The following TOGARAM2 variants were observed in gnomAD, a reference collection of about 807,000 sequenced individuals.
TOGARAM2 encodes the protein TOG array regulator of axonemal microtubules 2, also known as TOG array regulator of axonemal microtubules protein 2.
Under a neutral mutation model 93.3 loss-of-function variants are expected in TOGARAM2, and 85 were observed. The ratio of observed to expected loss-of-function variants is 0.91; its 90% CI spans 0.76 to 1.09. The LOEUF (loss-of-function observed/expected upper bound fraction) is 1.09, where lower values mean the gene tolerates loss of function less well. Ranked by LOEUF, TOGARAM2 falls within the 50% of genes least tolerant of loss-of-function variation. The probability of loss-of-function intolerance (pLI) is 0.00; values close to 1 mark genes in which losing one functional copy is unlikely to be tolerated. For synonymous variants in TOGARAM2, 593 were observed against 552.8 expected, an observed-to-expected ratio of 1.07 and a Z score of -1.02; for missense variants, 1,277 against 1,334.5, an observed-to-expected ratio of 0.96 and a Z score of 0.67.
At chr2:29,045,788 G>T in intron 19 of TOGARAM2, 1 of 276,612 alleles carries the variant, frequency 3.6e-6, no homozygotes, top group Non-Finnish European at 7.0e-6. Context: ...TGCAGAACTG[G>T]TATCATGAAA....
At chr2:28,993,137 G>A (rs1022425931) in intron 1 of TOGARAM2, among the ~76,000 whole-genome samples, 1 of 152,110 alleles carries the variant, frequency 6.6e-6, no homozygotes, top group African/African-American at 2.4e-5. Flanking sequence ...ATTCAGCAGG[G>A]GCTGGAGGTG....
At chr2:28,968,714 G>A (rs1452582944) in intron 1 of TOGARAM2, among the ~76,000 whole-genome samples, 1 of 150,702 alleles carries the variant, frequency 6.6e-6, no homozygotes, top group Non-Finnish European at 1.5e-5. Context: ...AGCTACTTAG[G>A]AGGCTGAGGT....
chr2:29,011,393 C>T, intron 6 of TOGARAM2, 62 bp from the exon 7 acceptor site: 1 of 1,552,856 alleles, frequency 6.4e-7, no homozygotes, highest in Non-Finnish European at 8.8e-7. Flanking sequence ...CCCTGGGCTC[C>T]CCCAGCAGTG....
At chr2:29,013,203 G>C (rs772281576) in intron 7 of TOGARAM2, among the ~76,000 whole-genome samples, 2 of 152,180 alleles carry the variant, frequency 1.3e-5, no homozygotes, top group Non-Finnish European at 2.9e-5. Context: ...TTTAAAATCC[G>C]CTGATGGGGA....
At chr2:29,010,881 G>C (rs1271124514) in intron 6 of TOGARAM2, among the ~76,000 whole-genome samples, 1 of 152,180 alleles carries the variant, frequency 6.6e-6, no homozygotes, top group East Asian at 1.9e-4. Flanking sequence ...GGATGCCACT[G>C]TCTTCCCCCT....
chr2:29,017,764 A>G (rs1572716130), intron 9 of TOGARAM2, 28 bp from the exon 10 acceptor site: 3 of 1,569,684 alleles, frequency 1.9e-6, no homozygotes, highest in Non-Finnish European at 2.6e-6. Context: ...AGACCTGCCT[A>G]GTCCTAGGAC....
chr2:29,019,331 C>T (rs971455059), intron 10 of TOGARAM2, among the ~76,000 whole-genome samples: 2 of 151,752 alleles, frequency 1.3e-5, no homozygotes, highest in African/African-American at 2.4e-5. Context: ...CACCATGGCC[C>T]GATTAATTTC....
At chr2:29,033,180 C>T in intron 15 of TOGARAM2, 129 bp downstream of exon 15, 1 of 753,318 alleles carries the variant, frequency 1.3e-6, no homozygotes, top group Non-Finnish European at 2.2e-6. Context: ...ATCCACTACT[C>T]CTGATAGGTG....
At chr2:29,017,680 G>C (rs2148335859) in intron 9 of TOGARAM2, 112 bp from the exon 10 acceptor site, 1 of 1,072,056 alleles carries the variant, frequency 9.3e-7, no homozygotes, top group East Asian at 2.9e-5. Context: ...CAACATGTTG[G>C]GGGTACTGGC....
intron 4 of TOGARAM2, 94 bp downstream of exon 4, chr2:28,999,562 G>A: frequency 7.2e-7 from 1 of 1,397,340 alleles, no homozygotes; most frequent in Non-Finnish European, 9.5e-7. Flanking sequence ...GCTTCCAGGT[G>A]GCATGCTGGG....
intron 6 of TOGARAM2, among the ~76,000 whole-genome samples, chr2:29,005,508 T>TGTGG (rs1673692446): frequency 3.6e-5 from 1 of 27,512 alleles, no homozygotes; most frequent in Non-Finnish European, 9.7e-5. Flanking sequence ...TGCATGTGTT[T>TGTGG]GTGTAACTAC....
At chr2:29,016,562 A>T (rs1364594407) in intron 8 of TOGARAM2, among the ~76,000 whole-genome samples, 1 of 152,218 alleles carries the variant, frequency 6.6e-6, no homozygotes, top group Non-Finnish European at 1.5e-5. Flanking sequence ...CAACACTTAG[A>T]GACAGCCCCC....
intron 1 of TOGARAM2, among the ~76,000 whole-genome samples, chr2:28,983,810 A>T (rs1052582596): frequency 1.3e-5 from 2 of 152,134 alleles, no homozygotes; most frequent in Admixed American, 6.5e-5. Flanking sequence ...CTGTGCTCTC[A>T]CTAGCACTTG....
rs529108441 is a variant in TOGARAM2 at position 28,969,279 on chromosome 2, T to G, written c.-147+12582T>G. 4.6e-5 allele frequency among the ~76,000 whole-genome samples: 7 copies of G among 152,178 alleles called. No individual in the cohort carries two copies. In the South Asian group the frequency reaches 8.3e-4, roughly 18 times the overall value. On this transcript the variant is annotated intron_variant, in intron 1 of 6. Transcript: ENST00000401723. Reference sequence around the variant, plus strand: ...TTCTGGTTTTAGCCACATTGAAATGTGAGATTATTAGGGTCTGAGAGGTCA... The same window carrying G: ...TTCTGGTTTTAGCCACATTGAAATGGGAGATTATTAGGGTCTGAGAGGTCA...
chr2:28,994,931 A>G, intron 2 of TOGARAM2, 69 bp downstream of exon 2: 3 of 1,531,172 alleles, frequency 2.0e-6, no homozygotes, highest in Non-Finnish European at 2.7e-6. Context: ...GGACACTCCC[A>G]AGGGCCAGAA....
intron 16 of TOGARAM2, among the ~76,000 whole-genome samples, chr2:29,033,956 G>A (rs955236955): frequency 7.2e-5 from 11 of 152,148 alleles, no homozygotes; most frequent in African/African-American, 2.7e-4. Context: ...TAAGGCAGAT[G>A]AGAAGACATG....
At chr2:29,008,960 G>C (rs2148315571) in intron 6 of TOGARAM2, among the ~76,000 whole-genome samples, 1 of 152,326 alleles carries the variant, frequency 6.6e-6, no homozygotes. Flanking sequence ...CTAGCCAATG[G>C]AGGGGATGGA....
chr2:29,009,702 C>A (rs1312266838), intron 6 of TOGARAM2, among the ~76,000 whole-genome samples: 1 of 152,106 alleles, frequency 6.6e-6, no homozygotes, highest in African/African-American at 2.4e-5. Flanking sequence ...AGTGCTGAGG[C>A]CACTCTTGGA....
chr2:28,975,449 AAGTGCTGGGATTAC>A (rs1444327559), intron 1 of TOGARAM2, among the ~76,000 whole-genome samples: 4 of 151,836 alleles, frequency 2.6e-5, no homozygotes, highest in Admixed American at 2.6e-4. Flanking sequence ...CGGCCTCCCA[AAGTGCTGGGATTAC>A]AGGTGTGAGC....
Sources: gnomAD v4.1 joint callset for allele counts (sites outside exome capture counted in the v4.1 genomes callset) on GRCh38, gnomAD v4.1.1 for gene constraint, MANE v1.5 for transcripts, NCBI Gene and HGNC (gene_info 2026-07-23, HGNC 2026-07-21) for gene names.